PCDHGA6: variants seen among roughly 807,000 people sequenced by gnomAD.
The protein encoded by PCDHGA6 is protocadherin gamma subfamily A, 6.
PCDHGA6 carries 41 observed loss-of-function variants against 60.6 expected under a neutral mutation model. The observed-to-expected ratio is 0.68, with a 90% CI of 0.53 to 0.88. The LOEUF (loss-of-function observed/expected upper bound fraction) is 0.88. Ranked by LOEUF, PCDHGA6 falls within the 40% of genes least tolerant of loss-of-function variation. The pLI is 0.00. For synonymous variants in PCDHGA6, 594 were observed against 524.4 expected (o/e 1.13, Z -1.81); for missense variants, 1,312 against 1,203.0 (o/e 1.09, Z -1.34).
chr5:141,408,157 T>C (rs748693406), intron 1 of PCDHGA6: 70 of 1,514,372 alleles, frequency 4.6e-5, no homozygotes, highest in Non-Finnish European at 5.9e-5. Flanking sequence ...AGAGTGCACT[T>C]TCTCCAACTG....
At chr5:141,417,937 C>T (rs571233315) in intron 1 of PCDHGA6, 2 of 1,612,530 alleles carry the variant, frequency 1.2e-6, no homozygotes, top group South Asian at 1.1e-5. Context: ...CTTTGTTCTA[C>T]CCCACGCTGT....
chr5:141,397,967 C>T (rs931333276), intron 1 of PCDHGA6: 2 of 1,110,472 alleles, frequency 1.8e-6, no homozygotes, highest in Non-Finnish European at 2.5e-6. Context: ...CTCAGACTCC[C>T]CAGCGCCGGC....
intron 3 of PCDHGA6, among the ~76,000 whole-genome samples, chr5:141,509,636 C>T (rs1199892148): frequency 6.6e-6 from 1 of 152,164 alleles, no homozygotes; most frequent in Non-Finnish European, 1.5e-5. Context: ...TGATGCTGAG[C>T]CAGGGCCAGA....
rs1360494290 is a variant in PCDHGA6 at position 141,433,285 on chromosome 5, C to T, written c.2424+56778C>T. On this transcript the variant is annotated intron_variant, in intron 1 of 3. Coordinates refer to ENST00000517434, the MANE Select transcript of PCDHGA6 (RefSeq NM_018919.3). ...CATAGCTCACTGCAGCCTCAAACTCCTAGGCTCAAGCAATTATCCCACCTT... is the reference window on the plus strand; with the variant it reads ...CATAGCTCACTGCAGCCTCAAACTCTTAGGCTCAAGCAATTATCCCACCTT... The T allele has an allele frequency of 6.8e-6, 8 of 1,169,708 alleles. No individual in the cohort carries two copies. In the East Asian group the frequency reaches 1.7e-4, roughly 25 times the overall value. The allele number at this position is 1,169,708 out of a possible 1,614,324, so 72.5% of individuals were successfully genotyped here. A position where few individuals can be genotyped will look rare whatever the true frequency, so the allele number is the denominator to read the frequency against.
chr5:141,498,105 G>C (rs150297456), intron 2 of PCDHGA6, among the ~76,000 whole-genome samples: 1 of 152,324 alleles, frequency 6.6e-6, no homozygotes, highest in East Asian at 1.9e-4. Flanking sequence ...TGGTGTGGGC[G>C]TATAATAGGG....
At chr5:141,453,807 A>G (rs752553367) in intron 1 of PCDHGA6, among the ~76,000 whole-genome samples, 3 of 152,250 alleles carry the variant, frequency 2.0e-5, no homozygotes, top group Non-Finnish European at 4.4e-5. Flanking sequence ...GAGTAGTTCC[A>G]TAAAGGACAA....
intron 1 of PCDHGA6, chr5:141,389,284 C>G (rs1227474648): frequency 1.1e-5 from 17 of 1,613,930 alleles, no homozygotes; most frequent in Admixed American, 1.7e-5. Flanking sequence ...CCGCCTGGAG[C>G]CTCTATTTCA....
intron 1 of PCDHGA6, among the ~76,000 whole-genome samples, chr5:141,445,544 T>C (rs1223868698): frequency 6.6e-6 from 1 of 152,126 alleles, no homozygotes; most frequent in Non-Finnish European, 1.5e-5. Context: ...CAAGGAGAAA[T>C]ACAAAAGCAC....
At chr5:141,447,988 A>C (rs1234413003) in intron 1 of PCDHGA6, among the ~76,000 whole-genome samples, 1 of 152,018 alleles carries the variant, frequency 6.6e-6, no homozygotes, top group Non-Finnish European at 1.5e-5. Flanking sequence ...CGGGAGGCTG[A>C]GGCATGAGAA....
chr5:141,487,314 A>G lies in PCDHGA6; in HGVS notation c.2425-7493A>G. ...GGCTCATTCGTGGCACTACTCTCTAAGTGTCTTCGTGGGGCAGCCTGTGGA... is the reference window on the plus strand; with the variant it reads ...GGCTCATTCGTGGCACTACTCTCTAGGTGTCTTCGTGGGGCAGCCTGTGGA... On this transcript the variant is annotated intron_variant, in intron 1 of 3. Transcript: ENST00000517434. The surrounding 1 kb of genome is among the most constrained non-coding windows in gnomAD (Gnocchi z 5.0). The G allele has an allele frequency of 6.2e-7, 1 of 1,614,002 alleles. No individual in the cohort carries two copies. Among genetic ancestry groups the G allele is most frequent in the African/African-American group, 1.3e-5 (1 of 74,994 alleles).
chr5:141,461,037 G>T (rs1254497108), intron 1 of PCDHGA6, among the ~76,000 whole-genome samples: 1 of 150,988 alleles, frequency 6.6e-6, no homozygotes, highest in Non-Finnish European at 1.5e-5. Flanking sequence ...CCACTCATTA[G>T]TCGATGGGGA....
intron 1 of PCDHGA6, among the ~76,000 whole-genome samples, chr5:141,401,057 A>G (rs1021828194): frequency 1.3e-5 from 2 of 152,170 alleles, no homozygotes; most frequent in Non-Finnish European, 2.9e-5. Flanking sequence ...AAAATACTAT[A>G]TGTTGGCTGG....
At position 141,476,151 on chromosome 5, in the gene PCDHGA6, G is replaced by A; in HGVS notation, c.2425-18656G>A. Reference sequence around the variant, plus strand: ...GAGGCCTGGAGGAGCGGACTGGTAAGCACCGGGAGGGTAGTGGGAGTTTTG... The same window carrying A: ...GAGGCCTGGAGGAGCGGACTGGTAAACACCGGGAGGGTAGTGGGAGTTTTG... On this transcript the variant is annotated intron_variant, in intron 1 of 3. Transcript: ENST00000517434. This position sits in a 1 kb window ranked among gnomAD's most constrained non-coding sequence, Gnocchi z 7.6. 1 of 1,612,022 alleles carries A rather than the reference G, an allele frequency of 6.2e-7. No individual in the cohort carries two copies. Among genetic ancestry groups the A allele is most frequent in the Admixed American group, 1.7e-5 (1 of 60,014 alleles).
chr5:141,463,747 G>A (rs994400482), intron 1 of PCDHGA6, among the ~76,000 whole-genome samples: 13 of 152,082 alleles, frequency 8.5e-5, no homozygotes, highest in Middle Eastern at 3.4e-3. Context: ...CGCCCGGCCT[G>A]CTTCTCTTCT....
At chr5:141,377,620 ATT>A (rs1307213511) in intron 1 of PCDHGA6, 1 of 149,664 alleles carries the variant, frequency 6.7e-6, no homozygotes, top group Non-Finnish European at 1.5e-5. Context: ...AAAAAAAAAG[ATT>A]TTGTTTTTTC....
At chr5:141,418,373 C>T (rs936895178) in intron 1 of PCDHGA6, 1 of 1,614,006 alleles carries the variant, frequency 6.2e-7, no homozygotes, top group Non-Finnish European at 8.5e-7. Context: ...CAAATACCAA[C>T]TAAGTCCTAA....
chr5:141,466,148 G>A (rs1201643685), intron 1 of PCDHGA6, among the ~76,000 whole-genome samples: 1 of 151,814 alleles, frequency 6.6e-6, no homozygotes, highest in Non-Finnish European at 1.5e-5. Flanking sequence ...GAAAACTCTG[G>A]TCTTAAACTG....
intron 2 of PCDHGA6, among the ~76,000 whole-genome samples, chr5:141,501,528 A>G (rs1173385747): frequency 6.6e-6 from 1 of 151,978 alleles, no homozygotes; most frequent in Non-Finnish European, 1.5e-5. Context: ...GAAGCCCAGT[A>G]CGTTGTTGTG....
At position 141,485,060 on chromosome 5, in the gene PCDHGA6, G is replaced by A. The variant is rs191055161; in HGVS notation, c.2425-9747G>A. 155 of 862,304 alleles carry A rather than the reference G, an allele frequency of 1.8e-4. No individual in the cohort carries two copies. The African/African-American group carries it at 2.3e-3, about 13-fold the overall frequency. 53.4% of individuals were successfully genotyped at this position (862,304 alleles called of 1,614,324 possible). ...ACCCTTGCGGCGCCGGCCGAACCGCGCCAGAGCTGGCGCGGGGAAAGGGAG... is the reference window on the plus strand; with the variant it reads ...ACCCTTGCGGCGCCGGCCGAACCGCACCAGAGCTGGCGCGGGGAAAGGGAG... On this transcript the variant is annotated intron_variant, in intron 1 of 3. Transcript: ENST00000517434. This position sits in a 1 kb window ranked among gnomAD's most constrained non-coding sequence, Gnocchi z 5.7.
Sources: gnomAD v4.1 joint callset for allele counts (sites outside exome capture counted in the v4.1 genomes callset) on GRCh38, gnomAD v4.1.1 for gene constraint, Gnocchi (gnomAD v3.1) non-coding constraint, MANE v1.5 for transcripts, NCBI Gene and HGNC (gene_info 2026-07-23, HGNC 2026-07-21) for gene names.